The following OSBPL9 variants were observed in gnomAD, a reference collection of about 807,000 sequenced individuals.
The protein encoded by OSBPL9 is oxysterol binding protein like 9.
In OSBPL9, 40 loss-of-function variants were observed where a neutral mutation model predicts 106.6. The observed-to-expected ratio is 0.38, with a 90% CI of 0.29 to 0.49. The LOEUF is 0.49. Among genes scored for constraint, OSBPL9 ranks in the 20% least tolerant of loss-of-function variants. The pLI is 0.97. For synonymous variants in OSBPL9, 269 were observed against 295.4 expected (o/e 0.91, Z 0.92); for missense variants, 609 against 887.2 (o/e 0.69, Z 3.98).
At chr1:51,663,642 A>G (rs1281401015) in intron 2 of OSBPL9, among the ~76,000 whole-genome samples, 2 of 152,240 alleles carry the variant, frequency 1.3e-5, no homozygotes, top group Non-Finnish European at 2.9e-5. Context: ...ATGTAAAGTC[A>G]ATACACTGTC....
intron 1 of OSBPL9, among the ~76,000 whole-genome samples, chr1:51,621,132 T>C (rs1644404060): frequency 6.6e-6 from 1 of 152,218 alleles, no homozygotes; most frequent in Non-Finnish European, 1.5e-5. Context: ...CTTGTTTTAT[T>C]AGTACTCCCA....
intron 4 of OSBPL9, among the ~76,000 whole-genome samples, chr1:51,716,395 A>G (rs1661059886): frequency 6.6e-6 from 1 of 152,204 alleles, no homozygotes; most frequent in African/African-American, 2.4e-5. Flanking sequence ...CAGTGGCCTC[A>G]TCTATAAAAT....
intron 15 of OSBPL9, among the ~76,000 whole-genome samples, chr1:51,778,548 G>A (rs188284674): frequency 7.2e-5 from 11 of 152,262 alleles, no homozygotes; most frequent in Admixed American, 5.2e-4. Flanking sequence ...GGAATATTTT[G>A]TAATGATAAA....
At chr1:51,774,799 T>G (rs1674679625) in intron 14 of OSBPL9, among the ~76,000 whole-genome samples, 1 of 152,200 alleles carries the variant, frequency 6.6e-6, no homozygotes, top group Non-Finnish European at 1.5e-5. Context: ...CATGTATCAG[T>G]ATAGCACTAC....
Position 51,669,741 on chromosome 1 carries a change from A to C in OSBPL9, c.241+229A>C, listed in dbSNP as rs181459728. The C allele has an allele frequency of 7.4e-5, 47 of 632,792 alleles. 1 individual carries two copies. The East Asian group carries it at 1.5e-3, about 20-fold the overall frequency. 39.2% of individuals were successfully genotyped at this position (632,792 alleles called of 1,614,324 possible). ...GGATCTGGCTGCAGTTGGAGATGAA[A>C]ATTTTAAAGGATAAAAATCAGTGAA... On this transcript the variant is annotated intron_variant, in intron 3 of 23. Transcript: ENST00000428468.
At chr1:51,681,086 CATTA>C (rs1652448193) in intron 3 of OSBPL9, among the ~76,000 whole-genome samples, 1 of 152,096 alleles carries the variant, frequency 6.6e-6, no homozygotes, top group Non-Finnish European at 1.5e-5. Flanking sequence ...CAGACTTATT[CATTA>C]ACGCTATTTA....
rs12064225 is a variant in OSBPL9 at position 51,698,235 on chromosome 1, G to A, written c.242-15768G>A. On this transcript the variant is annotated intron_variant, in intron 3 of 23. Coordinates refer to ENST00000428468, the MANE Select transcript of OSBPL9 (RefSeq NM_024586.6). ...TCAGCCCTCTTGGCCTTTACACTGTGCAGCTTAAGAGATACTAAAAAGCAA... is the reference window on the plus strand; with the variant it reads ...TCAGCCCTCTTGGCCTTTACACTGTACAGCTTAAGAGATACTAAAAAGCAA... Among the ~76,000 whole-genome samples the A allele has an allele frequency of 3.3e-3, 496 of 152,216 alleles. 2 individuals are homozygous for A. Among genetic ancestry groups the A allele is most frequent in the African/African-American group, 0.011 (474 of 41,534 alleles).
chr1:51,554,424 C>A, the OSBPL9 span, among the ~76,000 whole-genome samples: 3 of 152,124 alleles, frequency 2.0e-5, no homozygotes, highest in Non-Finnish European at 4.4e-5. Flanking sequence ...GTTTGTGACT[C>A]AAAATGGAAG....
chr1:51,768,027 C>T (rs1391053994), intron 12 of OSBPL9, among the ~76,000 whole-genome samples: 1 of 145,910 alleles, frequency 6.9e-6, no homozygotes, highest in African/African-American at 2.5e-5. Flanking sequence ...CTGCAAGCTC[C>T]GCCTCCCGGG....
At chr1:51,670,706 G>A (rs1427414530) in intron 3 of OSBPL9, among the ~76,000 whole-genome samples, 10 of 152,134 alleles carry the variant, frequency 6.6e-5, no homozygotes, top group East Asian at 3.8e-4. Flanking sequence ...CTTTAATAAC[G>A]ATGCTGTCCT....
the OSBPL9 span, among the ~76,000 whole-genome samples, chr1:51,518,904 C>G: frequency 1.3e-5 from 2 of 151,492 alleles, no homozygotes; most frequent in Admixed American, 6.6e-5. Flanking sequence ...ACCGGCAGAG[C>G]GCGGCCGGGT....
intron 3 of OSBPL9, among the ~76,000 whole-genome samples, chr1:51,673,888 GTT>G (rs75863412): frequency 2.1e-4 from 29 of 139,572 alleles, no homozygotes; most frequent in Admixed American, 2.9e-4. Flanking sequence ...CTCTAAAAAA[GTT>G]TTTTTTTTTT....
intron 14 of OSBPL9, among the ~76,000 whole-genome samples, chr1:51,775,603 CATTTATTTATTT>C (rs564959096): frequency 1.3e-5 from 2 of 151,804 alleles, no homozygotes; most frequent in Non-Finnish European, 2.9e-5. Context: ...AGCTTGCTTG[CATTTATTTATTT>C]ATTTATTTAT....
chr1:51,689,473 C>G (rs1207424599), intron 3 of OSBPL9, among the ~76,000 whole-genome samples: 1 of 151,916 alleles, frequency 6.6e-6, no homozygotes, highest in Non-Finnish European at 1.5e-5. Flanking sequence ...TTTTGAAGTT[C>G]TATATTTTCC....
At chr1:51,656,740 T>C (rs1421795574) in intron 2 of OSBPL9, among the ~76,000 whole-genome samples, 1 of 151,044 alleles carries the variant, frequency 6.6e-6, no homozygotes, top group Non-Finnish European at 1.5e-5. Context: ...GCTCACTACA[T>C]CCCCAAATTC....
At chr1:51,557,764 T>C in the OSBPL9 span, among the ~76,000 whole-genome samples, 7 of 152,232 alleles carry the variant, frequency 4.6e-5, no homozygotes, top group African/African-American at 1.2e-4. Flanking sequence ...TCCTACCCTC[T>C]TGGCCTCACA....
chr1:51,757,311 A>G (rs550507606), intron 9 of OSBPL9, among the ~76,000 whole-genome samples: 95 of 152,244 alleles, frequency 6.2e-4, no homozygotes, highest in African/African-American at 2.0e-3. Context: ...AGTTCAAAGT[A>G]TGATCCATGG....
chr1:51,544,837 C>CTTTTTTTTTTT, the OSBPL9 span, among the ~76,000 whole-genome samples: 3 of 80,258 alleles, frequency 3.7e-5, no homozygotes, highest in Non-Finnish European at 6.8e-5. Context: ...AAGAGACATG[C>CTTTTTTTTTTT]TTTTTTTTTT....
At chr1:51,701,358 G>A (rs1657194521) in intron 3 of OSBPL9, among the ~76,000 whole-genome samples, 1 of 152,192 alleles carries the variant, frequency 6.6e-6, no homozygotes, top group Non-Finnish European at 1.5e-5. Flanking sequence ...TTATAGTCCA[G>A]TACTCTGTGA....
Sources: gnomAD v4.1 joint callset for allele counts (sites outside exome capture counted in the v4.1 genomes callset) on GRCh38, gnomAD v4.1.1 for gene constraint, MANE v1.5 for transcripts, NCBI Gene and HGNC (gene_info 2026-07-23, HGNC 2026-07-21) for gene names.